Variants in DYNC1H1 observed in about 807,000 individuals in gnomAD.
DYNC1H1 encodes the protein dynein cytoplasmic 1 heavy chain 1.
Under a neutral mutation model 527.1 loss-of-function variants are expected in DYNC1H1, and 51 were observed. The ratio of observed to expected loss-of-function variants is 0.10; its 90% CI spans 0.08 to 0.12. DYNC1H1 has a LOEUF of 0.12. Ranked by LOEUF, DYNC1H1 falls within the 10% of genes least tolerant of loss-of-function variation. The probability of loss-of-function intolerance (pLI) is 1.00; values close to 1 mark genes in which losing one functional copy is unlikely to be tolerated. For missense variants in DYNC1H1, 2,771 were observed against 5,971.8 expected, an observed-to-expected ratio of 0.46 and a Z score of 17.66; for synonymous variants, 2,189 against 2,278.8, an observed-to-expected ratio of 0.96 and a Z score of 1.12.
Position 102,018,557 on chromosome 14 carries a change from C to G in DYNC1H1, c.8284C>G (p.Leu2762Val). Residue 2762 changes from leucine to valine, a missense_variant, in exon 41 of 78, where the codon CTG becomes GTG. Transcript: ENST00000360184. This position sits in a 1 kb window ranked among gnomAD's most constrained non-coding sequence, Gnocchi z 5.2. Reference sequence around the variant, plus strand: ...CGCCATGCTGAGGCTCATTCCATCCCTGCGGACGTATGCAGAGCCGCTCAC... The same window carrying G: ...CGCCATGCTGAGGCTCATTCCATCCGTGCGGACGTATGCAGAGCCGCTCAC... ...NRAMLRLIPS[L>V]RTYAEPLTAA... is the part of the protein sequence containing the mutation. 1 of 1,614,118 alleles carries G rather than the reference C, an allele frequency of 6.2e-7. No individual in the cohort carries two copies. Among genetic ancestry groups the G allele is most frequent in the Non-Finnish European group, 8.5e-7 (1 of 1,180,042 alleles).
In DYNC1H1 at chr14:102,015,927, G is replaced by A. The variant is rs2152581987; in HGVS notation, c.7314G>A (p.Glu2438=). The change falls in exon 36 of 78, where the codon GAG becomes GAA. Residue 2438 remains glutamate (E), a synonymous_variant. Coordinates refer to ENST00000360184, the MANE Select transcript of DYNC1H1 (RefSeq NM_001376.5). The surrounding 1 kb of genome is among the most constrained non-coding windows in gnomAD (Gnocchi z 6.9). The part of the protein sequence containing the change: ...TSNGLVTKAL[E]HAFQLEHIMD... ...ACGGCCTGGTCACCAAGGCGCTAGA[G>A]CACGCCTTCCAGCTGGAGCACATCA... 1 of 1,614,234 alleles carries A rather than the reference G, an allele frequency of 6.2e-7. No individual in the cohort carries two copies. The highest frequency in any genetic ancestry group is 1.1e-5 in the South Asian group (1 of 91,092).
chr14:101,999,422 C>T (rs1372182585), intron 16 of DYNC1H1, among the ~76,000 whole-genome samples: 1 of 152,208 alleles, frequency 6.6e-6, no homozygotes, highest in African/African-American at 2.4e-5. Context: ...GGATTACAGG[C>T]GTTAGCCACC....
chr14:102,013,423 T>C (rs2048282683), intron 34 of DYNC1H1, among the ~76,000 whole-genome samples: 1 of 151,876 alleles, frequency 6.6e-6, no homozygotes, highest in African/African-American at 2.4e-5. Flanking sequence ...AGAACGTAGT[T>C]TGAGCAGACA....
In DYNC1H1 at chr14:102,047,927, C is replaced by T. The variant is rs995509621; in HGVS notation, c.13117C>T (p.Arg4373Cys). 1.2e-6 allele frequency: 2 copies of T among 1,613,460 alleles called. No homozygotes were observed. The highest frequency in any genetic ancestry group is 1.7e-6 in the Non-Finnish European group (2 of 1,180,018). ...GAGGACAGACTCCACGTCCGACGGG[C>T]GCCCTGCCTGGATGCGGACACTGCA... ...KTRTDSTSDG[R>C]PAWMRTLHTT... Residue 4373 changes from arginine (R) to cysteine (C), a missense_variant, in exon 73 of 78, where the codon CGC becomes TGC. Coordinates refer to ENST00000360184, the MANE Select transcript of DYNC1H1 (RefSeq NM_001376.5).
In DYNC1H1 at chr14:102,041,636, T is replaced by C. The variant is rs1467108795; in HGVS notation, c.12004T>C (p.Leu4002=). 6.8e-6 allele frequency: 11 copies of C among 1,614,114 alleles called. No individual in the cohort carries two copies. The highest frequency in any genetic ancestry group is 8.5e-6 in the Non-Finnish European group (10 of 1,180,044). Residue 4002 remains leucine, a synonymous_variant, in exon 65 of 78, where the codon TTG becomes CTG. Coordinates refer to ENST00000360184, the MANE Select transcript of DYNC1H1 (RefSeq NM_001376.5). This position sits in a 1 kb window ranked among gnomAD's most constrained non-coding sequence, Gnocchi z 4.5. The part of the protein sequence containing the change: ...LIQAFRPDRL[L]AMAHMFVSTN... The stretch of plus-strand genomic sequence containing the variant: ...CCAGGCTTTCCGGCCCGATCGCCTG[T>C]TGGCCATGGCCCACATGTTTGTTTC...
Position 102,049,759 on chromosome 14 carries a change from A to G in DYNC1H1, c.13561A>G (p.Ile4521Val). 2 of 1,613,896 alleles carry G rather than the reference A, an allele frequency of 1.2e-6. No individual in the cohort carries two copies. The highest frequency in any genetic ancestry group is 1.7e-6 in the Non-Finnish European group (2 of 1,180,024). The change falls in exon 76 of 78, where the codon ATC becomes GTC. Residue 4521 changes from isoleucine to valine, a missense_variant. Physicochemically the swap from Ile to Val is conservative, Grantham distance 29. Coordinates refer to ENST00000360184, the MANE Select transcript of DYNC1H1 (RefSeq NM_001376.5). This position sits in a 1 kb window ranked among gnomAD's most constrained non-coding sequence, Gnocchi z 5.5. ...TGGCCTGTTCGTGCCTGAGGCGTACATCACTGCCACCAGGCAGTATGTGGC... is the reference window on the plus strand; with the variant it reads ...TGGCCTGTTCGTGCCTGAGGCGTACGTCACTGCCACCAGGCAGTATGTGGC... ...LGGLFVPEAYITATRQYVAQA... is the reference protein window; with the variant it reads ...LGGLFVPEAYVTATRQYVAQA...
chr14:102,003,378 C>T (rs2048153939), intron 23 of DYNC1H1, among the ~76,000 whole-genome samples: 1 of 151,804 alleles, frequency 6.6e-6, no homozygotes, highest in South Asian at 2.1e-4. Context: ...TCTCTTTCCT[C>T]AGCCTCCTGA....
At chr14:102,025,269 G>A (rs1424593746) in intron 43 of DYNC1H1, among the ~76,000 whole-genome samples, 1 of 152,164 alleles carries the variant, frequency 6.6e-6, no homozygotes, top group Non-Finnish European at 1.5e-5. Context: ...GCCGGGTGCG[G>A]TACTGCATGC....
intron 1 of DYNC1H1, among the ~76,000 whole-genome samples, chr14:101,972,702 A>C (rs2047753361): frequency 6.6e-6 from 1 of 152,200 alleles, no homozygotes; most frequent in Admixed American, 6.5e-5. Flanking sequence ...TGTATCAATG[A>C]TGACTCTTTA....
chr14:102,015,084 T>A lies in DYNC1H1; in HGVS notation c.7015-21T>A, dbSNP rs767449694. On this transcript the variant is annotated intron_variant, in intron 34 of 77. Coordinates refer to ENST00000360184, the MANE Select transcript of DYNC1H1 (RefSeq NM_001376.5). This position sits in a 1 kb window ranked among gnomAD's most constrained non-coding sequence, Gnocchi z 6.9. ...TCTTCCAAACCTATGTCATTAAATC[T>A]GCTTAATGTTTTCTTTCAAGGTGAG... is the stretch of plus-strand genomic sequence containing the variant. 1 of 1,612,734 alleles carries A rather than the reference T, an allele frequency of 6.2e-7. No individual in the cohort carries two copies. The highest frequency in any genetic ancestry group is 8.5e-7 in the Non-Finnish European group (1 of 1,178,794).
In DYNC1H1 at chr14:102,036,793, A is replaced by G. The variant is rs2152593822; in HGVS notation, c.10908+151A>G. On this transcript the variant is annotated intron_variant, in intron 57 of 77. Transcript: ENST00000360184. This position sits in a 1 kb window ranked among gnomAD's most constrained non-coding sequence, Gnocchi z 5.6. ...TTCTGTAATAGATAAATTCAACAGAATCATTATTTGCATTTAAAATTCTAT... is the reference window on the plus strand; with the variant it reads ...TTCTGTAATAGATAAATTCAACAGAGTCATTATTTGCATTTAAAATTCTAT... The G allele has an allele frequency of 9.1e-7, 1 of 1,095,564 alleles. No individual in the cohort carries two copies. Among genetic ancestry groups the G allele is most frequent in the East Asian group, 2.5e-5 (1 of 40,114 alleles). The allele number at this position is 1,095,564 out of a possible 1,614,324, so 67.9% of individuals were successfully genotyped here. A position where few individuals can be genotyped will look rare whatever the true frequency, so the allele number is the denominator to read the frequency against.
chr14:102,039,167 G>A lies in DYNC1H1; in HGVS notation c.11373G>A (p.Met3791Ile). 1 of 1,614,200 alleles carries A rather than the reference G, an allele frequency of 6.2e-7. No homozygotes were observed. The highest frequency in any genetic ancestry group is 8.5e-7 in the Non-Finnish European group (1 of 1,180,032). ...AAGTTGAGGAGACGGACATTGTCAT[G>A]CAGGAGGTGGAGACCGTGTCCCAGC... The part of the protein sequence containing the change: ...TRKVEETDIV[M>I]QEVETVSQQY... Residue 3791 changes from methionine (M) to isoleucine (I), a missense_variant, in exon 60 of 78, where the codon ATG becomes ATA. This residue lies in a region of DYNC1H1 where 283 missense variants were observed against 737.6 expected (regional missense o/e 0.38). Coordinates refer to ENST00000360184, the MANE Select transcript of DYNC1H1 (RefSeq NM_001376.5). This position sits in a 1 kb window ranked among gnomAD's most constrained non-coding sequence, Gnocchi z 7.0.
intron 4 of DYNC1H1, 100 bp from the exon 5 acceptor site, chr14:101,980,264 A>G: frequency 6.9e-7 from 1 of 1,443,268 alleles, no homozygotes; most frequent in South Asian, 1.2e-5. Flanking sequence ...AATCTACTTG[A>G]AATATAAAAA....
At position 101,988,809 on chromosome 14, in the gene DYNC1H1, C is replaced by G; in HGVS notation, c.2825C>G (p.Ala942Gly). ...GCAGAAGTTGACATGGACACAGATG[C>G]TCCACAAGTTAGTCACAAGCCTGGT... ...DKAEVDMDTD[A>G]PQVSHKPGGE... Residue 942 changes from alanine (A) to glycine (G), a missense_variant, in exon 10 of 78, where the codon GCT (alanine) becomes GGT (glycine). Around this residue, in one of 32 missense-constraint regions of DYNC1H1, gnomAD observed 179 missense variants for 349.4 expected, o/e 0.51. Transcript: ENST00000360184. 3 of 1,614,200 alleles carry G rather than the reference C, an allele frequency of 1.9e-6. No individual in the cohort carries two copies. The highest frequency in any genetic ancestry group is 2.5e-6 in the Non-Finnish European group (3 of 1,180,040).
Position 102,040,629 on chromosome 14 carries a change from C to T in DYNC1H1, c.11897C>T (p.Pro3966Leu), listed in dbSNP as rs879254021. 5.6e-6 allele frequency: 9 copies of T among 1,614,072 alleles called. No homozygotes were observed. The highest frequency in any genetic ancestry group is 2.2e-5 in the East Asian group (1 of 44,908). The change falls in exon 64 of 78, where the codon CCG becomes CTG. Residue 3966 changes from proline (P) to leucine (L), a missense_variant. Around this residue, in one of 32 missense-constraint regions of DYNC1H1, gnomAD observed 120 missense variants for 161.9 expected, o/e 0.74. Coordinates refer to ENST00000360184, the MANE Select transcript of DYNC1H1 (RefSeq NM_001376.5). ...GGCATCTGGCTGGACAGCAGCTCCCCGGAGCAGACTGTGCCCTACCTCTGG... is the reference window on the plus strand; with the variant it reads ...GGCATCTGGCTGGACAGCAGCTCCCTGGAGCAGACTGTGCCCTACCTCTGG... The part of the protein sequence containing the change: ...QFGIWLDSSS[P>L]EQTVPYLWSE...
chr14:102,039,358 G>A lies in DYNC1H1; in HGVS notation c.11461-54G>A. 1 of 1,613,698 alleles carries A rather than the reference G, an allele frequency of 6.2e-7. No individual in the cohort carries two copies. The highest frequency in any genetic ancestry group is 8.5e-7 in the Non-Finnish European group (1 of 1,180,042). ...ACAGTAGCTCCTTGGCCACGCAGAA[G>A]TTCAGCGGGGTGCCGAGGGAGCTGC... is the stretch of plus-strand genomic sequence containing the variant. On this transcript the variant is annotated intron_variant, in intron 60 of 77. Transcript: ENST00000360184. This position sits in a 1 kb window ranked among gnomAD's most constrained non-coding sequence, Gnocchi z 7.0.
At chr14:101,982,165 T>G (rs1295883313) in intron 5 of DYNC1H1, among the ~76,000 whole-genome samples, 1 of 152,160 alleles carries the variant, frequency 6.6e-6, no homozygotes, top group African/African-American at 2.4e-5. Flanking sequence ...GATTGTGCAC[T>G]CCTTATGAGA....
At chr14:102,028,474 C>G in intron 48 of DYNC1H1, 1 of 363,344 alleles carries the variant, frequency 2.8e-6, no homozygotes, top group Admixed American at 3.8e-5. Context: ...GAGATCACGG[C>G]ACTGCAATCC....
At chr14:101,995,465 G>A (rs1180393816) in intron 15 of DYNC1H1, among the ~76,000 whole-genome samples, 165 bp downstream of exon 15, 1 of 152,084 alleles carries the variant, frequency 6.6e-6, no homozygotes, top group Non-Finnish European at 1.5e-5. Flanking sequence ...CAAAAAATTA[G>A]CCGGGTGTGG....
Sources: allele counts gnomAD v4.1 joint callset (sites outside exome capture counted in the v4.1 genomes callset), GRCh38; gene constraint gnomAD v4.1.1; regional missense constraint gnomAD v4.1.1; non-coding constraint Gnocchi (gnomAD v3.1); transcripts MANE v1.5; gene names NCBI Gene and HGNC (gene_info 2026-07-23, HGNC 2026-07-21).